LAMTOR5: variants seen among roughly 807,000 people sequenced by gnomAD.
The protein encoded by LAMTOR5 is late endosomal/lysosomal adaptor, MAPK and MTOR activator 5, also known as ragulator complex protein LAMTOR5.
A neutral mutation model predicts 12.1 loss-of-function variants in LAMTOR5; 8 were observed. That is an observed-to-expected ratio of 0.66 (90% CI 0.39 to 1.19). The LOEUF is 1.19. Ranked by LOEUF, LAMTOR5 falls within the 50% of genes most tolerant of loss-of-function variation. LAMTOR5 has a pLI of 0.01. For missense variants in LAMTOR5, 110 were observed against 112.8 expected (o/e 0.97, Z 0.11); for synonymous variants, 37 against 41.9 (o/e 0.88, Z 0.45).
At chr1:110,405,857 G>A (rs1663318457) in intron 2 of LAMTOR5, among the ~76,000 whole-genome samples, 1 of 152,186 alleles carries the variant, frequency 6.6e-6, no homozygotes, top group African/African-American at 2.4e-5. Context: ...GACCAGGTAT[G>A]TCCAACACTG....
chr1:110,403,720 C>T, intron 3 of LAMTOR5, 199 bp downstream of exon 3: 2 of 614,110 alleles, frequency 3.3e-6, no homozygotes, highest in South Asian at 4.5e-5. Flanking sequence ...AATTCTTATT[C>T]TTCATTTAAA....
chr1:110,401,536 T>C lies in LAMTOR5; in HGVS notation c.263A>G (p.Lys88Arg), dbSNP rs752513443. 3 of 1,607,776 alleles carry C rather than the reference T, an allele frequency of 1.9e-6. No homozygotes were observed. The highest frequency in any genetic ancestry group is 1.7e-5 in the Admixed American group (1 of 59,944). ...KHDGITVAVH[K>R]MAS is the part of the protein sequence containing the mutation. ...CAGATATGAGCATCAAGAGGCCATT[T>C]TGTGCACTGCCACCGTGATGCCATC... The change falls in exon 4 of 4, where the codon AAA (lysine) becomes AGA (arginine). Residue 88 changes from lysine to arginine, a missense_variant. Physicochemically the swap from Lys to Arg is conservative, Grantham distance 26. Transcript: ENST00000602318.
chr1:110,403,665 G>T, intron 3 of LAMTOR5: 1 of 380,370 alleles, frequency 2.6e-6, no homozygotes, highest in Non-Finnish European at 4.6e-6. Flanking sequence ...TTTCCTTTGT[G>T]CTATTTGTTA....
upstream of LAMTOR5, chr1:110,407,759 T>A: frequency 1.2e-6 from 2 of 1,614,074 alleles, no homozygotes; most frequent in Non-Finnish European, 1.7e-6. Flanking sequence ...CGGTGCAACG[T>A]CCGCGTTCTT....
chr1:110,405,721 T>C lies in LAMTOR5; in HGVS notation c.97+597A>G, dbSNP rs148960401. 2.1e-3 allele frequency among the ~76,000 whole-genome samples: 317 copies of C among 152,246 alleles called. 2 individuals are homozygous for C. The highest frequency in any genetic ancestry group is 7.3e-3 in the African/African-American group (303 of 41,536). On this transcript the variant is annotated intron_variant, in intron 2 of 3. Transcript: ENST00000602318. ...ACAATGGTGCTTGGCACATAACAGC[T>C]CAATAAATATAATTCTATGATTATT...
chr1:110,405,863 C>T (rs987248563), intron 2 of LAMTOR5, among the ~76,000 whole-genome samples: 1 of 152,188 alleles, frequency 6.6e-6, no homozygotes, highest in Admixed American at 6.5e-5. Context: ...GTATGTCCAA[C>T]ACTGAAATCC....
At chr1:110,407,810 A>G, upstream of LAMTOR5, 1 of 1,614,032 alleles carries the variant, frequency 6.2e-7, no homozygotes, top group South Asian at 1.1e-5. Flanking sequence ...ACAGAGCCTG[A>G]CGAAGGCTTG....
At chr1:110,405,736 C>A (rs1663314058) in intron 2 of LAMTOR5, among the ~76,000 whole-genome samples, 1 of 152,136 alleles carries the variant, frequency 6.6e-6, no homozygotes, top group Non-Finnish European at 1.5e-5. Flanking sequence ...AAATATAATT[C>A]TATGATTATT....
chr1:110,405,371 G>T (rs1453763455), intron 2 of LAMTOR5, among the ~76,000 whole-genome samples: 1 of 151,984 alleles, frequency 6.6e-6, no homozygotes, highest in Non-Finnish European at 1.5e-5. Flanking sequence ...CACCATGTTG[G>T]CCAGGCTAGT....
chr1:110,406,913 G>T, intron 1 of LAMTOR5: 2 of 501,270 alleles, frequency 4.0e-6, no homozygotes, highest in Non-Finnish European at 3.6e-6. Context: ...GCTAAGTACT[G>T]CTGAGTTCTG....
upstream of LAMTOR5, chr1:110,407,726 C>T: frequency 6.2e-7 from 1 of 1,614,214 alleles, no homozygotes; most frequent in East Asian, 2.2e-5. Context: ...GTAACGGCGC[C>T]TCCAAAGGGA....
At position 110,404,015 on chromosome 1, in the gene LAMTOR5, TC is replaced by T; in HGVS notation, c.118del (p.Glu40SerfsTer5). ...NLGCRGTLSDEHAGVISVLAQ... is the reference protein window; with the variant it reads ...NLGCRGTLSDXHAGVISVLAQ... ...TAGAACAGATATCACTCCAGCATGC[TC>T]ATCTGACAGGGTCCCGCGGCCTGGA... On this transcript the variant is annotated frameshift_variant, in exon 3 of 4. Transcript: ENST00000602318. LOFTEE classifies it high-confidence loss of function. 6.2e-7 allele frequency: 1 copy of T among 1,614,156 alleles called. No individual in the cohort carries two copies. Among genetic ancestry groups the T allele is most frequent in the Non-Finnish European group, 8.5e-7 (1 of 1,180,008 alleles).
Position 110,407,638 on chromosome 1 carries a change from C to T in LAMTOR5, c.-18G>A, listed in dbSNP as rs746815227. 2 of 1,614,114 alleles carry T rather than the reference C, an allele frequency of 1.2e-6. No individual in the cohort carries two copies. The highest frequency in any genetic ancestry group is 1.7e-6 in the Non-Finnish European group (2 of 1,180,042). On this transcript the variant is annotated 5_prime_UTR_variant, in exon 1 of 4. Coordinates refer to ENST00000602318, the MANE Select transcript of LAMTOR5 (RefSeq NM_001382293.1). Reference sequence around the variant, plus strand: ...GCCTCCATCCCACCCACCGACCACTCCGGCTCAGAACCCAGCGGCACGGCA... The same window carrying T: ...GCCTCCATCCCACCCACCGACCACTTCGGCTCAGAACCCAGCGGCACGGCA...
rs368528095 is a variant in LAMTOR5 at position 110,403,891 on chromosome 1, A to G, written c.215+28T>C. 4.0e-5 allele frequency: 65 copies of G among 1,608,080 alleles called. No homozygotes were observed. In the African/African-American group the frequency reaches 5.7e-4, roughly 14 times the overall value. On this transcript the variant is annotated intron_variant, in intron 3 of 3. Transcript: ENST00000602318. Reference sequence around the variant, plus strand: ...TTACCAGGAATTTTTCTGAACAAAAAGGAAAGGATCTGCTGAAATCTACTC... The same window carrying G: ...TTACCAGGAATTTTTCTGAACAAAAGGGAAAGGATCTGCTGAAATCTACTC...
At chr1:110,402,798 A>G (rs1356648539) in intron 3 of LAMTOR5, among the ~76,000 whole-genome samples, 2 of 152,174 alleles carry the variant, frequency 1.3e-5, no homozygotes, top group Non-Finnish European at 2.9e-5. Flanking sequence ...TGCTTTTAAC[A>G]AAAAAGTCTA....
chr1:110,407,868 G>A, upstream of LAMTOR5: 1 of 1,612,262 alleles, frequency 6.2e-7, no homozygotes. Flanking sequence ...TGGCTCCATG[G>A]CGGAACCGGC....
Position 110,406,361 on chromosome 1 carries a change from A to G in LAMTOR5, c.54T>C (p.Ile18=), listed in dbSNP as rs559492838. ...GTGAATCTGTGCACAGGACTCCAAC[A>G]ATGGAGGGATTCTTCATTCTAATTC... ...HLEDTMKNPS[I]VGVLCTDSQG... is the part of the protein sequence containing the mutation. The change falls in exon 2 of 4, where the codon ATT becomes ATC. Residue 18 remains isoleucine (I), a synonymous_variant. Coordinates refer to ENST00000602318, the MANE Select transcript of LAMTOR5 (RefSeq NM_001382293.1). 2.9e-5 allele frequency: 46 copies of G among 1,609,986 alleles called. No homozygotes were observed. In the African/African-American group the frequency reaches 4.5e-4, roughly 16 times the overall value.
At chr1:110,407,362 G>A (rs1388996490) in intron 1 of LAMTOR5, 1 of 625,968 alleles carries the variant, frequency 1.6e-6, no homozygotes, top group African/African-American at 1.8e-5. Flanking sequence ...GGGCCCGGGA[G>A]ACTCGCTCAA....
At chr1:110,406,676 T>G in intron 1 of LAMTOR5, 1 of 275,576 alleles carries the variant, frequency 3.6e-6, no homozygotes, top group South Asian at 5.8e-5. Context: ...AATACAAAAT[T>G]AGCCAGGCGT....
Sources: gnomAD v4.1 joint callset for allele counts (sites outside exome capture counted in the v4.1 genomes callset) on GRCh38, gnomAD v4.1.1 for gene constraint, MANE v1.5 for transcripts, NCBI Gene and HGNC (gene_info 2026-07-23, HGNC 2026-07-21) for gene names.